Variants in CNGA2 observed in about 807,000 individuals in gnomAD.
CNGA2 encodes cyclic nucleotide-gated channel alpha-2.
In CNGA2, 22 loss-of-function variants were observed where a neutral mutation model predicts 35.9. That is an observed-to-expected ratio of 0.61 (90% confidence interval 0.44 to 0.88). The LOEUF is 0.88. Among genes scored for constraint, CNGA2 ranks in the 40% least tolerant of loss-of-function variants. CNGA2 has a pLI of 0.00. For synonymous variants in CNGA2, 217 were observed against 209.2 expected (o/e 1.04, Z -0.32); for missense variants, 555 against 530.8 (o/e 1.05, Z -0.45).
chrX:151,742,567 T>C lies in CNGA2; in HGVS notation c.514T>C (p.Tyr172His), dbSNP rs776095236. Residue 172 changes from tyrosine to histidine, a missense_variant, in exon 6 of 7, where the codon TAC becomes CAC. Physicochemically the swap from Tyr to His is moderately conservative, Grantham distance 83. Transcript: ENST00000329903. ...CTTCAGTGACCTACAGAAAGGCTAC[T>C]ACCTGGTGTGGCTGGTGCTGGATTA... ...ACFSDLQKGY[Y>H]LVWLVLDYVS... 8.3e-7 allele frequency: 1 copy of C among 1,210,429 alleles called. No individual in the cohort carries two copies. Among genetic ancestry groups the C allele is most frequent in the East Asian group, 3.0e-5 (1 of 33,741 alleles).
rs761171327 is a variant in CNGA2 at position 151,743,348 on chromosome X, T to A, written c.845T>A (p.Ile282Asn). The change falls in exon 7 of 7, where the codon ATC becomes AAC. Residue 282 changes from isoleucine (I) to asparagine (N), a missense_variant. Transcript: ENST00000329903. ...IFRISNLVLY[I>N]LVIIHWNACI... Reference sequence around the variant, plus strand: ...CGCATCAGCAACCTTGTCCTCTACATCTTGGTCATCATCCACTGGAATGCC... The same window carrying A: ...CGCATCAGCAACCTTGTCCTCTACAACTTGGTCATCATCCACTGGAATGCC... 5.8e-6 allele frequency: 7 copies of A among 1,209,723 alleles called. No individual in the cohort carries two copies. Among genetic ancestry groups the A allele is most frequent in the Non-Finnish European group, 7.8e-6 (7 of 895,165 alleles).
chrX:151,743,243 T>C lies in CNGA2; in HGVS notation c.740T>C (p.Phe247Ser), dbSNP rs201870506. ...GACATCCACAGCCCTGAGGTGCGCT[T>C]CAACCGCCTGCTGCACTTTGCCCGC... ...AVDIHSPEVR[F>S]NRLLHFARMF... The change falls in exon 7 of 7, where the codon TTC becomes TCC. Residue 247 changes from phenylalanine (F) to serine (S), a missense_variant. Transcript: ENST00000329903. 14 of 1,202,455 alleles carry C rather than the reference T, an allele frequency of 1.2e-5. No individual in the cohort carries two copies. In the Admixed American group the frequency reaches 3.1e-4, roughly 27 times the overall value.
chrX:151,737,399 C>G lies in CNGA2; in HGVS notation c.-26-1059C>G, dbSNP rs2015258264. ...TGGACACCTCATCCTCTGTGCAACT[C>G]TGAAATATTGGGGTTCTCCACAACT... is the stretch of plus-strand genomic sequence containing the variant. On this transcript the variant is annotated intron_variant, in intron 1 of 6. Coordinates refer to ENST00000329903, the MANE Select transcript of CNGA2 (RefSeq NM_005140.3). 4.5e-5 allele frequency among the ~76,000 whole-genome samples: 5 copies of G among 112,154 alleles called. No homozygotes were observed. In the South Asian group the frequency reaches 1.9e-3, roughly 42 times the overall value.
Position 151,744,677 on chromosome X carries a change from C to T in CNGA2, c.*179C>T, listed in dbSNP as rs2015358053. Reference sequence around the variant, plus strand: ...CCAAGATTCCGCCTCCAAGTTTAGCCCAAGTTTGTGGAGAGTACAGACTGC... The same window carrying T: ...CCAAGATTCCGCCTCCAAGTTTAGCTCAAGTTTGTGGAGAGTACAGACTGC... On this transcript the variant is annotated 3_prime_UTR_variant, in exon 7 of 7. Coordinates refer to ENST00000329903, the MANE Select transcript of CNGA2 (RefSeq NM_005140.3). 1.4e-5 allele frequency: 6 copies of T among 436,982 alleles called. No homozygotes were observed. In the South Asian group the frequency reaches 1.5e-4, roughly 11 times the overall value. The allele number at this position is 436,982 out of a possible 1,213,427, so 36.0% of individuals were successfully genotyped here.
In CNGA2 at chrX:151,741,130, C is replaced by A. The variant is rs1202958981; in HGVS notation, c.482+229C>A. The stretch of plus-strand genomic sequence containing the variant: ...ATCCTCCACATTTGCAACAAACATG[C>A]TTGATAGCAAACTAGGATTTGGTGA... On this transcript the variant is annotated intron_variant, in intron 5 of 6. Coordinates refer to ENST00000329903, the MANE Select transcript of CNGA2 (RefSeq NM_005140.3). 4.5e-5 allele frequency among the ~76,000 whole-genome samples: 5 copies of A among 110,759 alleles called. No individual in the cohort carries two copies. In the Admixed American group the frequency reaches 4.7e-4, roughly 10 times the overall value.
At chrX:151,740,580 G>A (rs935328457) in intron 4 of CNGA2, among the ~76,000 whole-genome samples, 2 of 112,438 alleles carry the variant, frequency 1.8e-5, no homozygotes, top group Non-Finnish European at 3.8e-5. Context: ...AGAATGAGAA[G>A]ATGGGTGCCC....
Position 151,743,187 on chromosome X carries a change from C to A in CNGA2, c.684C>A (p.Ile228=). ...TLQFKLDVAS[I]IPTDLIYFAV... ...AGTTCAAGCTGGATGTGGCTTCCATCATCCCCACTGACCTGATCTATTTTG... is the reference window on the plus strand; with the variant it reads ...AGTTCAAGCTGGATGTGGCTTCCATAATCCCCACTGACCTGATCTATTTTG... Residue 228 remains isoleucine (I), a synonymous_variant, in exon 7 of 7, where the codon ATC becomes ATA. Transcript: ENST00000329903. 8.3e-7 allele frequency: 1 copy of A among 1,205,615 alleles called. No individual in the cohort carries two copies. Among genetic ancestry groups the A allele is most frequent in the Non-Finnish European group, 1.1e-6 (1 of 893,901 alleles).
In CNGA2 at chrX:151,744,448, CT is replaced by C; in HGVS notation, c.1946del (p.Leu649ArgfsTer5). Reference protein sequence around the residue: ...KMKQNNEDDYLSDGMNSPELA... With the variant: ...KMKQNNEDDYXSDGMNSPELA... ...GAAACAGAACAATGAAGATGACTAC[CT>C]GTCTGATGGGATGAACAGCCCTGAG... is the stretch of plus-strand genomic sequence containing the variant. On this transcript the variant is annotated frameshift_variant, in exon 7 of 7. Coordinates refer to ENST00000329903, the MANE Select transcript of CNGA2 (RefSeq NM_005140.3). LOFTEE classifies it high-confidence loss of function. The C allele has an allele frequency of 6.7e-6, 8 of 1,202,151 alleles. No individual in the cohort carries two copies. The highest frequency in any genetic ancestry group is 9.0e-6 in the Non-Finnish European group (8 of 889,731).
chrX:151,740,936 G>T (rs747908500), intron 5 of CNGA2, 35 bp downstream of exon 5: 403 of 1,083,926 alleles, frequency 3.7e-4, no homozygotes, highest in Non-Finnish European at 4.8e-4. Context: ...GGTGGCCAAA[G>T]CAACCCAGTC....
chrX:151,744,375 G>A lies in CNGA2; in HGVS notation c.1872G>A (p.Gly624=), dbSNP rs781754819. The change falls in exon 7 of 7, where the codon GGG becomes GGA. Residue 624 remains glycine, a synonymous_variant. Coordinates refer to ENST00000329903, the MANE Select transcript of CNGA2 (RefSeq NM_005140.3). ...GCCGCCTGCTGGCTGAGTACACGGG[G>A]GCCCAGCAGAAGCTCAAGCAGCGCA... The part of the protein sequence containing the change: ...RFGRLLAEYT[G]AQQKLKQRIT... The A allele has an allele frequency of 7.4e-6, 9 of 1,208,654 alleles. No individual in the cohort carries two copies. The African/African-American group carries it at 1.2e-4, about 17-fold the overall frequency.
In CNGA2 at chrX:151,740,853, T is replaced by C. The variant is rs2015297667; in HGVS notation, c.434T>C (p.Phe145Ser). 8.3e-7 allele frequency: 1 copy of C among 1,211,198 alleles called. No homozygotes were observed. The highest frequency in any genetic ancestry group is 3.0e-5 in the East Asian group (1 of 33,817). ...GGGGATTGGTACTACTGCTGGCTAT[T>C]TGTCATTGCCATGCCCGTCCTTTAC... ...PAGDWYYCWL[F>S]VIAMPVLYNW... The change falls in exon 5 of 7, where the codon TTT (phenylalanine) becomes TCT (serine). Residue 145 changes from phenylalanine to serine, a missense_variant. Transcript: ENST00000329903.
At position 151,739,627 on chromosome X, in the gene CNGA2, G is replaced by A. The variant is rs1163230216; in HGVS notation, c.269G>A (p.Arg90Lys). 4 of 1,211,710 alleles carry A rather than the reference G, an allele frequency of 3.3e-6. No individual in the cohort carries two copies. Among genetic ancestry groups the A allele is most frequent in the Non-Finnish European group, 4.5e-6 (4 of 895,450 alleles). The stretch of plus-strand genomic sequence containing the variant: ...AAGAATTTCCGAGAGGAGGAACCTA[G>A]GCCTGACTCATTCCTCGAGCGTTTT... ...ANKNFREEEP[R>K]PDSFLERFRG... is the part of the protein sequence containing the mutation. The change falls in exon 4 of 7, where the codon AGG becomes AAG. Residue 90 changes from arginine to lysine, a missense_variant. Physicochemically the swap from Arg to Lys is conservative, Grantham distance 26. Coordinates refer to ENST00000329903, the MANE Select transcript of CNGA2 (RefSeq NM_005140.3).
chrX:151,743,269 A>G lies in CNGA2; in HGVS notation c.766A>G (p.Met256Val), dbSNP rs375492989. ...CAACCGCCTGCTGCACTTTGCCCGC[A>G]TGTTTGAGTTCTTTGACCGGACAGA... is the stretch of plus-strand genomic sequence containing the variant. Reference protein sequence around the residue: ...RFNRLLHFARMFEFFDRTETR... With the variant: ...RFNRLLHFARVFEFFDRTETR... The change falls in exon 7 of 7, where the codon ATG (methionine) becomes GTG (valine). Residue 256 changes from methionine to valine, a missense_variant. Met to Val is a conservative substitution (Grantham distance 21, BLOSUM62 1). Transcript: ENST00000329903. 37 of 1,203,508 alleles carry G rather than the reference A, an allele frequency of 3.1e-5. No homozygotes were observed. The East Asian group carries it at 4.8e-4, about 16-fold the overall frequency.
At position 151,738,440 on chromosome X, in the gene CNGA2, T is replaced by C. The variant is rs750769746; in HGVS notation, c.-26-18T>C. ...TCAGGGTCCTCTGTGACCTTCTTCTTGGCCCTCTTCCTGGCAGATAAGTGC... is the reference window on the plus strand; with the variant it reads ...TCAGGGTCCTCTGTGACCTTCTTCTCGGCCCTCTTCCTGGCAGATAAGTGC... On this transcript the variant is annotated intron_variant, in intron 1 of 6. Coordinates refer to ENST00000329903, the MANE Select transcript of CNGA2 (RefSeq NM_005140.3). 10 of 1,073,397 alleles carry C rather than the reference T, an allele frequency of 9.3e-6. No individual in the cohort carries two copies. Among genetic ancestry groups the C allele is most frequent in the Non-Finnish European group, 1.3e-5 (10 of 774,838 alleles). The allele number at this position is 1,073,397 out of a possible 1,213,427, so 88.5% of individuals were successfully genotyped here.
At chrX:151,737,927 C>T (rs1243612185) in intron 1 of CNGA2, among the ~76,000 whole-genome samples, 5 of 107,058 alleles carry the variant, frequency 4.7e-5, no homozygotes, top group Non-Finnish European at 9.6e-5. Context: ...AGCCACCCAG[C>T]TTTCTGGTTC....
chrX:151,744,432 C>T lies in CNGA2; in HGVS notation c.1929C>T (p.Asn643=), dbSNP rs768464543. The change falls in exon 7 of 7, where the codon AAC becomes AAT. Residue 643 remains asparagine (N), a synonymous_variant. Coordinates refer to ENST00000329903, the MANE Select transcript of CNGA2 (RefSeq NM_005140.3). The stretch of plus-strand genomic sequence containing the variant: ...TTCTGGAAACCAAGATGAAACAGAA[C>T]AATGAAGATGACTACCTGTCTGATG... ...ITVLETKMKQ[N]NEDDYLSDGM... 8.3e-7 allele frequency: 1 copy of T among 1,207,646 alleles called. No homozygotes were observed. Among genetic ancestry groups the T allele is most frequent in the East Asian group, 3.0e-5 (1 of 33,747 alleles).
rs2015339538 is a variant in CNGA2, at chrX:151,743,543, A to T, written c.1040A>T (p.Asp347Val). The part of the protein sequence containing the change: ...TIGETPPPVK[D>V]EEYLFVIFDF... ...GGGGAGACACCACCCCCTGTAAAGG[A>T]TGAGGAGTACCTATTTGTCATCTTT... The change falls in exon 7 of 7, where the codon GAT becomes GTT. Residue 347 changes from aspartate (D) to valine (V), a missense_variant. Coordinates refer to ENST00000329903, the MANE Select transcript of CNGA2 (RefSeq NM_005140.3). 29 of 1,211,146 alleles carry T rather than the reference A, an allele frequency of 2.4e-5. No homozygotes were observed. The highest frequency in any genetic ancestry group is 3.0e-5 in the Non-Finnish European group (27 of 895,362).
chrX:151,742,983 C>CAT (rs35955120), intron 6 of CNGA2, 110 bp from the exon 7 acceptor site: 5,245 of 18,625 alleles, frequency 0.28, 559 homozygotes, highest in African/African-American at 0.46. Flanking sequence ...TATATATATA[C>CAT]ATATATATGT....
intron 5 of CNGA2, among the ~76,000 whole-genome samples, chrX:151,742,205 C>T (rs2015310689): frequency 8.9e-6 from 1 of 112,162 alleles, no homozygotes; most frequent in Admixed American, 9.4e-5. Context: ...AACTCACAGC[C>T]ATTGAGTGCT....
Sources: gnomAD v4.1 joint callset for allele counts (sites outside exome capture counted in the v4.1 genomes callset) on GRCh38, gnomAD v4.1.1 for gene constraint, MANE v1.5 for transcripts, NCBI Gene and HGNC (gene_info 2026-07-23, HGNC 2026-07-21) for gene names.